The following MED13 variants were observed in gnomAD, a reference collection of about 807,000 sequenced individuals.
The protein encoded by MED13 is mediator of RNA polymerase II transcription subunit 13.
Under a neutral mutation model 225.2 loss-of-function variants are expected in MED13, and 23 were observed. That is an observed-to-expected ratio of 0.10 (90% CI 0.07 to 0.14). The LOEUF is 0.14. Among genes scored for constraint, MED13 ranks in the 10% least tolerant of loss-of-function variants. The pLI is 1.00. For synonymous variants in MED13, 942 were observed against 889.2 expected (o/e 1.06, Z -1.06); for missense variants, 2,197 against 2,594.5 (o/e 0.85, Z 3.33).
Position 61,987,015 on chromosome 17 carries a change from C to A in MED13, c.2377G>T (p.Glu793Ter). ...ATTAATGAGATACTCACTGTTAGTT[C>A]ATCTTCATCAGAATTGAAGAGATTA... is the stretch of plus-strand genomic sequence containing the variant. ...LDNLFNSDED[E>*]LTPGSKKSAN... Residue 793 changes from glutamate (E) to a stop codon, truncating the protein, a stop_gained, in exon 12 of 30, where the codon GAA (glutamate) becomes TAA (stop). Transcript: ENST00000397786. LOFTEE classifies it high-confidence loss of function. The A allele has an allele frequency of 1.3e-6, 2 of 1,562,762 alleles. No individual in the cohort carries two copies. Among genetic ancestry groups the A allele is most frequent in the East Asian group, 2.4e-5 (1 of 42,402 alleles).
At position 62,062,998 on chromosome 17, in the gene MED13, CAT is replaced by C. The variant is rs1005786847; in HGVS notation, c.301+67_301+68del. 6 of 1,214,386 alleles carry C rather than the reference CAT, an allele frequency of 4.9e-6. No homozygotes were observed. The Admixed American group carries it at 1.2e-4, about 24-fold the overall frequency. 75.2% of individuals were successfully genotyped at this position (1,214,386 alleles called of 1,614,324 possible). A position where few individuals can be genotyped will look rare whatever the true frequency, so the allele number is the denominator to read the frequency against. On this transcript the variant is annotated intron_variant, in intron 2 of 29. Transcript: ENST00000397786. ...ACAAAAACAAACTTAATTTGTAATACATATGACATTCTGGGAGAAGTATACAA... is the reference window on the plus strand; with the variant it reads ...ACAAAAACAAACTTAATTTGTAATACATGACATTCTGGGAGAAGTATACAA...
chr17:62,052,694 C>A lies in MED13; in HGVS notation c.313G>T (p.Gly105Ter). The change falls in exon 3 of 30, where the codon GGA becomes TGA. Residue 105 changes from glycine to a stop codon, truncating the protein, a stop_gained. Coordinates refer to ENST00000397786, the MANE Select transcript of MED13 (RefSeq NM_005121.3). LOFTEE classifies it high-confidence loss of function. The stretch of plus-strand genomic sequence containing the variant: ...TAGGAAAGTCCATTCTCCCACACTC[C>A]ATCTTCTTCTTCTAAAAGAGAAATG... ...IHHDLSEEEDGVWENGLSYEC... is the reference protein window; with the variant it reads ...IHHDLSEEED 1 of 1,562,590 alleles carries A rather than the reference C, an allele frequency of 6.4e-7. No homozygotes were observed. Among genetic ancestry groups the A allele is most frequent in the South Asian group, 1.2e-5 (1 of 80,712 alleles).
At chr17:61,957,236 G>A (rs983976940) in intron 23 of MED13, among the ~76,000 whole-genome samples, 24 of 151,946 alleles carry the variant, frequency 1.6e-4, no homozygotes, top group African/African-American at 5.8e-4. Flanking sequence ...TAGCAGAGAG[G>A]GGGTTTCACC....
chr17:61,999,190 T>C (rs933176998), intron 9 of MED13, among the ~76,000 whole-genome samples: 5 of 152,294 alleles, frequency 3.3e-5, no homozygotes, highest in African/African-American at 1.2e-4. Flanking sequence ...AAATCTGGTA[T>C]ACCACTAACA....
intron 9 of MED13, among the ~76,000 whole-genome samples, chr17:61,999,510 GA>G (rs1273111659): frequency 6.6e-6 from 1 of 152,004 alleles, no homozygotes. Context: ...AAACTAAAAA[GA>G]ATTAGAAAAA....
At chr17:61,968,372 C>G in intron 17 of MED13, 114 bp from the exon 18 acceptor site, 2 of 785,478 alleles carry the variant, frequency 2.5e-6, no homozygotes, top group Non-Finnish European at 3.6e-6. Context: ...GTCGCCCAGA[C>G]TGGAGTGCAG....
chr17:61,950,335 G>A (rs2079885930), intron 28 of MED13, among the ~76,000 whole-genome samples: 1 of 151,714 alleles, frequency 6.6e-6, no homozygotes, highest in East Asian at 1.9e-4. Flanking sequence ...AGGGCCCTAG[G>A]AGTTTGACTT....
chr17:62,007,116 C>T (rs2080457058), intron 9 of MED13: 1 of 151,598 alleles, frequency 6.6e-6, no homozygotes, highest in Non-Finnish European at 1.5e-5. Context: ...TGGCACGTGC[C>T]TATAGTCCCA....
intron 10 of MED13, among the ~76,000 whole-genome samples, chr17:61,994,818 T>C (rs1422782677): frequency 2.0e-5 from 3 of 152,180 alleles, no homozygotes; most frequent in Non-Finnish European, 4.4e-5. Context: ...CAAGGGATTC[T>C]CCTGCCTCAG....
rs950973297 is a variant in MED13, at chr17:61,946,035, A to T, written c.*433T>A. On this transcript the variant is annotated 3_prime_UTR_variant, in exon 30 of 30. Coordinates refer to ENST00000397786, the MANE Select transcript of MED13 (RefSeq NM_005121.3). ...AAAAACTTACAATAAATAAGAGAAG[A>T]GATGCAGGCATTTTTGAATACTAGA... is the stretch of plus-strand genomic sequence containing the variant. The T allele has an allele frequency of 1.3e-5, 2 of 153,010 alleles. No individual in the cohort carries two copies. Among genetic ancestry groups the T allele is most frequent in the African/African-American group, 4.8e-5 (2 of 41,418 alleles). The allele number at this position is 153,010 out of a possible 1,614,324, so 9.5% of individuals were successfully genotyped here.
chr17:62,051,108 T>G (rs150824325), intron 3 of MED13, among the ~76,000 whole-genome samples: 1 of 152,354 alleles, frequency 6.6e-6, no homozygotes, highest in Admixed American at 6.5e-5. Context: ...TATCAGCCCT[T>G]TCTTCTTACT....
chr17:62,046,202 C>A (rs2080896166), intron 3 of MED13, among the ~76,000 whole-genome samples: 1 of 152,130 alleles, frequency 6.6e-6, no homozygotes, highest in South Asian at 2.1e-4. Context: ...CTGAATTCAA[C>A]AGAAAAGAAG....
intron 27 of MED13, 128 bp downstream of exon 27, chr17:61,952,837 A>C (rs2079908187): frequency 9.4e-7 from 1 of 1,058,498 alleles, no homozygotes; most frequent in Admixed American, 2.4e-5. Context: ...GGGTTTCACC[A>C]TATTGGCCAG....
intron 16 of MED13, among the ~76,000 whole-genome samples, chr17:61,981,167 C>T (rs1023947802): frequency 3.3e-5 from 5 of 151,994 alleles, no homozygotes; most frequent in African/African-American, 1.2e-4. Context: ...GGATTATAGG[C>T]GCCCACCACC....
intron 3 of MED13, among the ~76,000 whole-genome samples, chr17:62,047,895 T>A (rs1483379556): frequency 6.6e-6 from 1 of 151,636 alleles, no homozygotes; most frequent in African/African-American, 2.4e-5. Flanking sequence ...CAATTATCAA[T>A]AGCCTTTTAA....
intron 28 of MED13, among the ~76,000 whole-genome samples, chr17:61,950,314 C>T (rs2079885719): frequency 6.6e-6 from 1 of 151,564 alleles, no homozygotes; most frequent in South Asian, 2.1e-4. Context: ...ACTCAATCTA[C>T]ACTAACAACA....
intron 10 of MED13, 47 bp downstream of exon 10, chr17:61,995,105 G>A: frequency 7.8e-7 from 1 of 1,286,916 alleles, no homozygotes; most frequent in South Asian, 1.2e-5. Flanking sequence ...TATATGCAGT[G>A]CTACAAAATC....
chr17:61,980,247 T>C (rs2080192576), intron 16 of MED13, among the ~76,000 whole-genome samples: 1 of 152,106 alleles, frequency 6.6e-6, no homozygotes, highest in African/African-American at 2.4e-5. Context: ...CCATGCTCCC[T>C]TGGTTTTCCT....
intron 9 of MED13, among the ~76,000 whole-genome samples, chr17:62,008,678 C>A (rs927371236): frequency 3.0e-4 from 45 of 151,786 alleles, no homozygotes; most frequent in Non-Finnish European, 2.6e-4. Context: ...TCCCACTCTT[C>A]CCCCCGCCGC....
Sources: allele counts gnomAD v4.1 joint callset (sites outside exome capture counted in the v4.1 genomes callset), GRCh38; gene constraint gnomAD v4.1.1; transcripts MANE v1.5; gene names NCBI Gene and HGNC (gene_info 2026-07-23, HGNC 2026-07-21).